Variants in TENT5C observed in about 807,000 individuals in gnomAD.
The protein encoded by TENT5C is family with sequence similarity 46 member C.
TENT5C carries 5 observed loss-of-function variants against 22.2 expected under a neutral mutation model. That is an observed-to-expected ratio of 0.22 (90% CI 0.12 to 0.47). TENT5C has a LOEUF of 0.47. TENT5C is among the 20% of genes least tolerant of loss of function. The pLI, the probability that TENT5C is intolerant of heterozygous loss-of-function variation, is 0.99. For synonymous variants in TENT5C, 199 were observed against 195.4 expected (o/e 1.02, Z -0.15); for missense variants, 364 against 500.9 (o/e 0.73, Z 2.61).
rs1274743346 is a variant in TENT5C at position 117,606,053 on chromosome 1, A to T, written c.-128A>T. On this transcript the variant is annotated 5_prime_UTR_variant, in exon 1 of 2. Transcript: ENST00000369448. ...GGAGGGGGCGGCGGCGGGACGGCTC[A>T]CTCGGTGCCGCTGCCTAGGGGCTGT... The T allele has an allele frequency of 6.6e-6, 1 of 151,748 alleles. No individual in the cohort carries two copies. The highest frequency in any genetic ancestry group is 1.5e-5 in the Non-Finnish European group (1 of 67,964). The allele number at this position is 151,748 out of a possible 1,614,324, so 9.4% of individuals were successfully genotyped here.
chr1:117,610,512 C>T (rs183624128), intron 1 of TENT5C, among the ~76,000 whole-genome samples: 1 of 152,176 alleles, frequency 6.6e-6, no homozygotes, highest in African/African-American at 2.4e-5. Context: ...TTTCACACCT[C>T]GATTCATTAA....
intron 1 of TENT5C, among the ~76,000 whole-genome samples, chr1:117,608,348 AC>A (rs1247742958): frequency 1.3e-5 from 2 of 152,152 alleles, no homozygotes; most frequent in Non-Finnish European, 2.9e-5. Flanking sequence ...TACCGTGAGC[AC>A]AAGTAGCCAC....
intron 1 of TENT5C, among the ~76,000 whole-genome samples, chr1:117,613,560 C>T (rs1292966606): frequency 6.6e-6 from 1 of 152,140 alleles, no homozygotes; most frequent in African/African-American, 2.4e-5. Flanking sequence ...TGTGTGTTGG[C>T]TTCTCACTTC....
At position 117,628,026 on chromosome 1, in the gene TENT5C, A is replaced by T. The variant is rs955527653; in HGVS notation, c.*3982A>T. ...GGAAGGTGAGATGACCATCTACTAA[A>T]GAGGAAGTAGCTAAATACAGATCTG... On this transcript the variant is annotated 3_prime_UTR_variant, in exon 2 of 2. Transcript: ENST00000369448. 3.2e-5 allele frequency: 8 copies of T among 248,036 alleles called. No homozygotes were observed. The highest frequency in any genetic ancestry group is 4.4e-5 in the African/African-American group (2 of 45,344). The allele number at this position is 248,036 out of a possible 1,614,324, so 15.4% of individuals were successfully genotyped here.
At position 117,628,309 on chromosome 1, in the gene TENT5C, T is replaced by C. The variant is rs1654058156; in HGVS notation, c.*4265T>C. The C allele has an allele frequency of 4.1e-6, 1 of 246,368 alleles. No homozygotes were observed. Among genetic ancestry groups the C allele is most frequent in the African/African-American group, 2.2e-5 (1 of 45,274 alleles). The allele number at this position is 246,368 out of a possible 1,614,324, so 15.3% of individuals were successfully genotyped here. ...GATAAAATCACTTGTCAATGCAAAA[T>C]GTGTTAGAACTTGATAAAGCTTTGA... On this transcript the variant is annotated 3_prime_UTR_variant, in exon 2 of 2. Transcript: ENST00000369448.
intron 1 of TENT5C, among the ~76,000 whole-genome samples, chr1:117,615,983 T>A (rs1032188135): frequency 6.6e-6 from 1 of 152,174 alleles, no homozygotes; most frequent in Non-Finnish European, 1.5e-5. Context: ...AAGATCACTT[T>A]AATGGCTATG....
intron 1 of TENT5C, among the ~76,000 whole-genome samples, chr1:117,620,346 C>A (rs985918841): frequency 6.6e-6 from 1 of 152,214 alleles, no homozygotes; most frequent in African/African-American, 2.4e-5. Context: ...GTACTGCTTG[C>A]ATTACAGCCT....
rs1186956228 is a variant in TENT5C, at chr1:117,623,836, G to A, written c.968G>A (p.Gly323Glu). The change falls in exon 2 of 2, where the codon GGG becomes GAG. Residue 323 changes from glycine (G) to glutamate (E), a missense_variant. Gly to Glu is a moderately conservative substitution (Grantham distance 98, BLOSUM62 -2). Coordinates refer to ENST00000369448, the MANE Select transcript of TENT5C (RefSeq NM_017709.4). ...VVNESTVCLM[G>E]HERRQTLNLI... ...AACGAGAGCACCGTGTGTCTCATGG[G>A]GCATGAACGCAGGCAGACTCTGAAC... The A allele has an allele frequency of 2.5e-6, 4 of 1,614,134 alleles. No individual in the cohort carries two copies. The highest frequency in any genetic ancestry group is 3.4e-6 in the Non-Finnish European group (4 of 1,180,038).
intron 1 of TENT5C, among the ~76,000 whole-genome samples, chr1:117,618,575 G>A (rs1217843592): frequency 6.6e-6 from 1 of 152,048 alleles, no homozygotes; most frequent in Non-Finnish European, 1.5e-5. Flanking sequence ...ATGTGGGAAT[G>A]CAGAATGTGG....
chr1:117,622,941 C>T lies in TENT5C; in HGVS notation c.73C>T (p.Leu25=), dbSNP rs1653928639. The T allele has an allele frequency of 6.2e-7, 1 of 1,614,224 alleles. No individual in the cohort carries two copies. Among genetic ancestry groups the T allele is most frequent in the Non-Finnish European group, 8.5e-7 (1 of 1,180,034 alleles). The change falls in exon 2 of 2, where the codon CTG becomes TTG. Residue 25 remains leucine (L), a synonymous_variant. Coordinates refer to ENST00000369448, the MANE Select transcript of TENT5C (RefSeq NM_017709.4). The part of the protein sequence containing the change: ...SVLNWDQVSR[L]HEVLTEVVPI... ...GCTCAACTGGGATCAGGTTAGCCGG[C>T]TGCATGAGGTCCTCACTGAAGTTGT...
At position 117,623,155 on chromosome 1, in the gene TENT5C, A is replaced by T. The variant is rs781294756; in HGVS notation, c.287A>T (p.His96Leu). The T allele has an allele frequency of 1.8e-5, 29 of 1,614,068 alleles. 1 individual carries two copies. Among genetic ancestry groups the T allele is most frequent in the Non-Finnish European group, 2.3e-5 (27 of 1,180,044 alleles). ...LGCKDLDLIF[H>L]VALPTEAEFQ... is the part of the protein sequence containing the mutation. ...TGCAAAGACCTGGACCTAATCTTCC[A>T]TGTGGCTCTTCCAACAGAGGCAGAA... is the stretch of plus-strand genomic sequence containing the variant. Residue 96 changes from histidine (H) to leucine (L), a missense_variant, in exon 2 of 2, where the codon CAT becomes CTT. Physicochemically the swap from His to Leu is moderately conservative, Grantham distance 99. Coordinates refer to ENST00000369448, the MANE Select transcript of TENT5C (RefSeq NM_017709.4).
At chr1:117,618,397 G>T (rs1011843367) in intron 1 of TENT5C, among the ~76,000 whole-genome samples, 2 of 151,320 alleles carry the variant, frequency 1.3e-5, no homozygotes, top group African/African-American at 4.9e-5. Flanking sequence ...AGAGTCTGAG[G>T]TTTTTTTTTA....
intron 1 of TENT5C, 62 bp downstream of exon 1, chr1:117,606,215 C>T (rs1266010072): frequency 2.0e-5 from 3 of 152,108 alleles, no homozygotes; most frequent in African/African-American, 7.2e-5. Flanking sequence ...CAGGGAGCCG[C>T]GAGCTCACTT....
chr1:117,621,090 C>A (rs1653883920), intron 1 of TENT5C, among the ~76,000 whole-genome samples: 1 of 152,182 alleles, frequency 6.6e-6, no homozygotes, highest in Non-Finnish European at 1.5e-5. Context: ...GCTTGGGATC[C>A]ATAACCTAGG....
chr1:117,626,068 A>G lies in TENT5C; in HGVS notation c.*2024A>G, dbSNP rs1654005182. ...TCATTCATGACCTTAAAAAGCTGCCATGGTGGTCAAATGGCATGTGTTTGC... is the reference window on the plus strand; with the variant it reads ...TCATTCATGACCTTAAAAAGCTGCCGTGGTGGTCAAATGGCATGTGTTTGC... On this transcript the variant is annotated 3_prime_UTR_variant, in exon 2 of 2. Transcript: ENST00000369448. The G allele has an allele frequency of 4.0e-6, 1 of 247,948 alleles. No homozygotes were observed. The highest frequency in any genetic ancestry group is 5.6e-5 in the Admixed American group (1 of 17,786). 15.4% of individuals were successfully genotyped at this position (247,948 alleles called of 1,614,324 possible). A position where few individuals can be genotyped will look rare whatever the true frequency, so the allele number is the denominator to read the frequency against.
At chr1:117,613,798 A>C (rs1029834254) in intron 1 of TENT5C, among the ~76,000 whole-genome samples, 1 of 152,178 alleles carries the variant, frequency 6.6e-6, no homozygotes, top group African/African-American at 2.4e-5. Context: ...GAGAGTGAGA[A>C]AAGACCAACT....
intron 1 of TENT5C, among the ~76,000 whole-genome samples, chr1:117,610,728 C>T (rs201868617): frequency 1.3e-5 from 2 of 152,280 alleles, no homozygotes; most frequent in East Asian, 3.9e-4. Context: ...GGGGTTTCAC[C>T]ATGTTGGCCA....
At position 117,620,434 on chromosome 1, in the gene TENT5C, G is replaced by A. The variant is rs991956559; in HGVS notation, c.-27-2408G>A. ...CACAACAGGTGATTCACACTAGCAA[G>A]TGAGTTGTATTTCTTCAGGTAGACC... On this transcript the variant is annotated intron_variant, in intron 1 of 1. Coordinates refer to ENST00000369448, the MANE Select transcript of TENT5C (RefSeq NM_017709.4). 4.6e-5 allele frequency among the ~76,000 whole-genome samples: 7 copies of A among 152,306 alleles called. No homozygotes were observed. The South Asian group carries it at 8.3e-4, about 18-fold the overall frequency.
rs1256168715 is a variant in TENT5C at position 117,623,968 on chromosome 1, A to C, written c.1100A>C (p.Asn367Thr). Residue 367 changes from asparagine (N) to threonine (T), a missense_variant, in exon 2 of 2, where the codon AAC becomes ACC. This residue lies in a region of TENT5C where 54 missense variants were observed against 76.5 expected (regional missense o/e 0.71). Transcript: ENST00000369448. ...CCGGCCCCTTACGTCAGTGATGGCA[A>C]CTTCAGCAACTACTACGTTGCCCAT... is the stretch of plus-strand genomic sequence containing the variant. ...YQPAPYVSDGNFSNYYVAHPP... is the reference protein window; with the variant it reads ...YQPAPYVSDGTFSNYYVAHPP... 3.7e-6 allele frequency: 6 copies of C among 1,613,854 alleles called. No individual in the cohort carries two copies. The highest frequency in any genetic ancestry group is 5.1e-6 in the Non-Finnish European group (6 of 1,179,976).
Sources: allele counts gnomAD v4.1 joint callset (sites outside exome capture counted in the v4.1 genomes callset), GRCh38; gene constraint gnomAD v4.1.1; regional missense constraint gnomAD v4.1.1; transcripts MANE v1.5; gene names NCBI Gene and HGNC (gene_info 2026-07-23, HGNC 2026-07-21).